TASP1: variants seen among roughly 807,000 people sequenced by gnomAD.
TASP1 encodes the protein taspase 1.
TASP1 carries 16 observed loss-of-function variants against 56.6 expected under a neutral mutation model. That is an observed-to-expected ratio of 0.28 (90% CI 0.19 to 0.43). TASP1 has a LOEUF of 0.43. Ranked by LOEUF, TASP1 falls within the 20% of genes least tolerant of loss-of-function variation. TASP1 has a pLI of 1.00. For synonymous variants in TASP1, 179 were observed against 184.2 expected (o/e 0.97, Z 0.23); for missense variants, 393 against 511.6 (o/e 0.77, Z 2.24).
At chr20:13,193,797 C>G in the TASP1 span, among the ~76,000 whole-genome samples, 3 of 152,132 alleles carry the variant, frequency 2.0e-5, no homozygotes, top group African/African-American at 7.2e-5. Context: ...CGTTTTGGAC[C>G]TCATGTCCTT....
the TASP1 span, among the ~76,000 whole-genome samples, chr20:13,328,500 T>C: frequency 3.3e-5 from 5 of 152,164 alleles, no homozygotes; most frequent in African/African-American, 1.2e-4. Context: ...TGAAGACACA[T>C]GCACACATAT....
the TASP1 span, among the ~76,000 whole-genome samples, chr20:13,335,580 GAA>G: frequency 6.7e-6 from 1 of 149,886 alleles, no homozygotes. Flanking sequence ...AAATCAAAAA[GAA>G]AAAAAGAGTA....
chr20:13,388,671 C>T (rs2041182025), downstream of TASP1, among the ~76,000 whole-genome samples: 2 of 152,182 alleles, frequency 1.3e-5, no homozygotes, highest in South Asian at 4.1e-4. Flanking sequence ...GGTAACAGGT[C>T]TTCAAAAGCT....
In TASP1 at chr20:13,599,968, A is replaced by G. The variant is rs1035140534; in HGVS notation, c.283-12598T>C. On this transcript the variant is annotated intron_variant, in intron 4 of 13. Transcript: ENST00000337743. Reference sequence around the variant, plus strand: ...AGCTCATAGGATACAAGATCAATATATAAACAAAAACTTTTTCTATATAGT... The same window carrying G: ...AGCTCATAGGATACAAGATCAATATGTAAACAAAAACTTTTTCTATATAGT... 2.6e-5 allele frequency among the ~76,000 whole-genome samples: 4 copies of G among 152,316 alleles called. No homozygotes were observed. The East Asian group carries it at 5.8e-4, about 22-fold the overall frequency.
the TASP1 span, among the ~76,000 whole-genome samples, chr20:13,171,048 T>G: frequency 6.6e-6 from 1 of 152,218 alleles, no homozygotes; most frequent in African/African-American, 2.4e-5. Context: ...TGGCATCATT[T>G]GAATAAAAAC....
intron 9 of TASP1, among the ~76,000 whole-genome samples, chr20:13,532,958 A>G (rs1410308986): frequency 6.6e-6 from 1 of 152,222 alleles, no homozygotes; most frequent in Admixed American, 6.5e-5. Context: ...TTGAGTAATC[A>G]TTCCCTATAC....
At chr20:13,236,739 C>A in the TASP1 span, among the ~76,000 whole-genome samples, 1 of 152,116 alleles carries the variant, frequency 6.6e-6, no homozygotes, top group Non-Finnish European at 1.5e-5. Flanking sequence ...ATTACAGGGC[C>A]CAGGCAAGTC....
chr20:13,348,992 C>G, the TASP1 span, among the ~76,000 whole-genome samples: 2 of 152,208 alleles, frequency 1.3e-5, no homozygotes. Context: ...GTACGGTTAA[C>G]TTCAGCCTGT....
chr20:13,588,694 T>A (rs6042226), intron 4 of TASP1, among the ~76,000 whole-genome samples: 199 of 152,344 alleles, frequency 1.3e-3, no homozygotes, highest in African/African-American at 4.0e-3. Flanking sequence ...ACATTCTATG[T>A]ACGTGGACCA....
intron 11 of TASP1, among the ~76,000 whole-genome samples, chr20:13,445,030 G>A (rs1379141907): frequency 1.3e-5 from 2 of 152,086 alleles, no homozygotes; most frequent in Non-Finnish European, 2.9e-5. Flanking sequence ...GTTAAGTTTG[G>A]CCAATAACCA....
At chr20:13,309,286 T>TA in the TASP1 span, among the ~76,000 whole-genome samples, 118 of 142,742 alleles carry the variant, frequency 8.3e-4, no homozygotes, top group Admixed American at 2.0e-3. Flanking sequence ...TTTATTTCTT[T>TA]AAAAAAAAAA....
At chr20:13,550,310 A>G (rs1377624211) in intron 8 of TASP1, among the ~76,000 whole-genome samples, 2 of 152,040 alleles carry the variant, frequency 1.3e-5, no homozygotes, top group Admixed American at 6.6e-5. Context: ...ACAAATGCCA[A>G]TCATCAGGCT....
intron 12 of TASP1, among the ~76,000 whole-genome samples, chr20:13,428,287 G>A (rs915210989): frequency 6.6e-6 from 1 of 152,064 alleles, no homozygotes; most frequent in African/African-American, 2.4e-5. Context: ...ACTAAGCTTG[G>A]CTGTTTATGC....
intron 10 of TASP1, among the ~76,000 whole-genome samples, chr20:13,491,851 A>G (rs912011228): frequency 6.6e-6 from 1 of 152,190 alleles, no homozygotes; most frequent in African/African-American, 2.4e-5. Context: ...ATGAAAATTA[A>G]AAGACCTTTA....
At chr20:13,522,203 G>A (rs1241045237) in intron 10 of TASP1, among the ~76,000 whole-genome samples, 1 of 152,176 alleles carries the variant, frequency 6.6e-6, no homozygotes, top group Non-Finnish European at 1.5e-5. Context: ...TAGGACTGTG[G>A]CTTTCCCATT....
At chr20:13,154,842 A>G in the TASP1 span, among the ~76,000 whole-genome samples, 1 of 152,162 alleles carries the variant, frequency 6.6e-6, no homozygotes, top group Non-Finnish European at 1.5e-5. Context: ...CCCTTCTCCA[A>G]CCTGCTGGAG....
At chr20:13,326,946 T>C in the TASP1 span, among the ~76,000 whole-genome samples, 1 of 152,160 alleles carries the variant, frequency 6.6e-6, no homozygotes. Context: ...TAACACAGTA[T>C]TGGAAGTTCT....
At chr20:13,575,473 C>T (rs2046869630) in intron 6 of TASP1, among the ~76,000 whole-genome samples, 4 of 152,306 alleles carry the variant, frequency 2.6e-5, no homozygotes, top group Middle Eastern at 6.8e-3. Flanking sequence ...AGTTCCTCTG[C>T]ACACGTTGTC....
intron 11 of TASP1, among the ~76,000 whole-genome samples, chr20:13,439,885 T>C (rs1193275918): frequency 6.6e-6 from 1 of 151,898 alleles, no homozygotes; most frequent in East Asian, 1.9e-4. Flanking sequence ...AAAGAAATAA[T>C]TCAAAAACAT....
Sources: gnomAD v4.1 joint callset for allele counts (sites outside exome capture counted in the v4.1 genomes callset) on GRCh38, gnomAD v4.1.1 for gene constraint, MANE v1.5 for transcripts, NCBI Gene and HGNC (gene_info 2026-07-23, HGNC 2026-07-21) for gene names.